LAMA2: variants seen among roughly 807,000 people sequenced by gnomAD.
The protein encoded by LAMA2 is laminin subunit alpha 2.
A neutral mutation model predicts 364.8 loss-of-function variants in LAMA2; 269 were observed. The observed-to-expected ratio is 0.74, with a 90% CI of 0.67 to 0.82. LAMA2 has a LOEUF of 0.82. LAMA2 is among the 40% of genes least tolerant of loss of function. The pLI, the probability that LAMA2 is intolerant of heterozygous loss-of-function variation, is 0.00. For missense variants in LAMA2, 3,807 were observed against 3,873.2 expected, an observed-to-expected ratio of 0.98 and a Z score of 0.45; for synonymous variants, 1,379 against 1,370.6, an observed-to-expected ratio of 1.01 and a Z score of -0.14.
In LAMA2 at chr6:129,392,772, A is replaced by G. The variant is rs140632849; in HGVS notation, c.5235-273A>G. On this transcript the variant is annotated intron_variant, in intron 36 of 64. Coordinates refer to ENST00000421865, the MANE Select transcript of LAMA2 (RefSeq NM_000426.4). ...AATCTTAAAACTCATTTCATCAATC[A>G]GATTCCTAGAATGACATGATTCAAA... Among the ~76,000 whole-genome samples the G allele has an allele frequency of 6.1e-3, 924 of 152,342 alleles. 8 individuals are homozygous for G. The highest frequency in any genetic ancestry group is 0.021 in the African/African-American group (892 of 41,578).
intron 22 of LAMA2, among the ~76,000 whole-genome samples, chr6:129,312,210 A>G (rs1293640122): frequency 1.3e-5 from 2 of 152,192 alleles, no homozygotes; most frequent in Non-Finnish European, 2.9e-5. Flanking sequence ...GAATTATGTA[A>G]ATAAAGAGAA....
intron 41 of LAMA2, among the ~76,000 whole-genome samples, chr6:129,429,156 C>T (rs1408031480): frequency 6.6e-6 from 1 of 152,208 alleles, no homozygotes; most frequent in Non-Finnish European, 1.5e-5. Flanking sequence ...GGAAACCTAA[C>T]ACCTCATCTG....
At chr6:129,059,413 T>A (rs899389513) in intron 2 of LAMA2, among the ~76,000 whole-genome samples, 2 of 152,214 alleles carry the variant, frequency 1.3e-5, no homozygotes, top group Non-Finnish European at 2.9e-5. Flanking sequence ...ACTAGAGCTG[T>A]CTCAATAGTT....
At chr6:129,344,369 T>G (rs1409629293) in intron 30 of LAMA2, among the ~76,000 whole-genome samples, 1 of 151,984 alleles carries the variant, frequency 6.6e-6, no homozygotes, top group Non-Finnish European at 1.5e-5. Context: ...GGGGTGAGGG[T>G]CCGGGCAGAA....
chr6:128,903,644 T>C (rs746830567), intron 1 of LAMA2, among the ~76,000 whole-genome samples: 46 of 152,324 alleles, frequency 3.0e-4, no homozygotes, highest in Non-Finnish European at 5.6e-4. Context: ...TAGCTTTCTC[T>C]TGCAAGCTTC....
At chr6:129,414,996 C>T (rs912986443) in intron 40 of LAMA2, among the ~76,000 whole-genome samples, 1 of 152,172 alleles carries the variant, frequency 6.6e-6, no homozygotes, top group African/African-American at 2.4e-5. Flanking sequence ...TTTTCCCACC[C>T]TTCAGTTTCC....
chr6:128,971,593 G>T (rs1398865007), intron 1 of LAMA2, among the ~76,000 whole-genome samples: 1 of 152,154 alleles, frequency 6.6e-6, no homozygotes, highest in African/African-American at 2.4e-5. Context: ...GTGTCTAGAA[G>T]CAGAGCCAGC....
chr6:129,351,045 A>AC (rs1374235488), intron 31 of LAMA2, among the ~76,000 whole-genome samples: 3 of 152,196 alleles, frequency 2.0e-5, no homozygotes, highest in Admixed American at 1.3e-4. Flanking sequence ...TATAGGTGAT[A>AC]CAAGTACATA....
intron 4 of LAMA2, among the ~76,000 whole-genome samples, chr6:129,134,832 T>G (rs145774843): frequency 6.6e-6 from 1 of 152,304 alleles, no homozygotes; most frequent in African/African-American, 2.4e-5. Flanking sequence ...CCCTCAACTC[T>G]TAGGCATGTT....
At chr6:129,398,867 T>C (rs1779807307) in intron 37 of LAMA2, among the ~76,000 whole-genome samples, 1 of 152,228 alleles carries the variant, frequency 6.6e-6, no homozygotes, top group Admixed American at 6.5e-5. Context: ...GGAATTTGTG[T>C]TACAGTGCAG....
At chr6:129,136,104 C>T (rs561988939) in intron 4 of LAMA2, among the ~76,000 whole-genome samples, 1 of 151,820 alleles carries the variant, frequency 6.6e-6, no homozygotes, top group Non-Finnish European at 1.5e-5. Context: ...ATTTCAGGCA[C>T]TTAGTAATCA....
intron 14 of LAMA2, among the ~76,000 whole-genome samples, chr6:129,255,352 G>GCCGAGATC (rs1447868456): frequency 5.8e-5 from 8 of 136,964 alleles, no homozygotes; most frequent in Admixed American, 3.3e-4. Context: ...GTTGCAGTGA[G>GCCGAGATC]CCGAGATCGC....
intron 12 of LAMA2, among the ~76,000 whole-genome samples, chr6:129,244,916 A>G (rs749511996): frequency 1.3e-5 from 2 of 152,184 alleles, no homozygotes; most frequent in Non-Finnish European, 2.9e-5. Context: ...TTGCATAGTA[A>G]CTATAATATT....
At chr6:129,354,896 G>A (rs1359813722) in intron 32 of LAMA2, among the ~76,000 whole-genome samples, 3 of 152,118 alleles carry the variant, frequency 2.0e-5, no homozygotes, top group African/African-American at 7.2e-5. Flanking sequence ...TATCACATAT[G>A]TGGGTTTCTA....
chr6:129,066,037 G>GTTAT (rs1789277998), intron 3 of LAMA2, among the ~76,000 whole-genome samples: 2 of 14,964 alleles, frequency 1.3e-4, no homozygotes, highest in East Asian at 5.9e-3. Flanking sequence ...CCCAGTCTCA[G>GTTAT]GTTTTTTTTT....
chr6:129,362,961 A>G (rs1027045655), intron 32 of LAMA2, among the ~76,000 whole-genome samples: 2 of 152,204 alleles, frequency 1.3e-5, no homozygotes, highest in South Asian at 2.1e-4. Context: ...GAGCATCCCT[A>G]TAATTTATCA....
intron 51 of LAMA2, among the ~76,000 whole-genome samples, chr6:129,466,280 C>T (rs1018552836): frequency 4.6e-5 from 7 of 151,934 alleles, no homozygotes; most frequent in East Asian, 3.9e-4. Flanking sequence ...ATGTAGCCAG[C>T]GAGCAATCTC....
rs1489550585 is a variant in LAMA2 at position 129,205,491 on chromosome 6, TATACACACAC to T, written c.1782+12640_1782+12649del. ...TTTATTCTGTAAGTATATATATATATATACACACACACACACACACACACACACACACACA... is the reference window on the plus strand; with the variant it reads ...TTTATTCTGTAAGTATATATATATATACACACACACACACACACACACACA... On this transcript the variant is annotated intron_variant, in intron 12 of 64. Transcript: ENST00000421865. 8.9e-5 allele frequency among the ~76,000 whole-genome samples: 11 copies of T among 123,090 alleles called. 1 individual carries two copies. Among genetic ancestry groups the T allele is most frequent in the South Asian group, 5.3e-4 (2 of 3,776 alleles). 80.8% of individuals were successfully genotyped at this position (123,090 alleles called of 152,430 possible).
intron 8 of LAMA2, among the ~76,000 whole-genome samples, chr6:129,161,056 G>C (rs1779414944): frequency 6.6e-6 from 1 of 151,848 alleles, no homozygotes; most frequent in South Asian, 2.1e-4. Context: ...TTGAAGCACT[G>C]TTATGAGGCA....
Sources: gnomAD v4.1 joint callset for allele counts (sites outside exome capture counted in the v4.1 genomes callset) on GRCh38, gnomAD v4.1.1 for gene constraint, MANE v1.5 for transcripts, NCBI Gene and HGNC (gene_info 2026-07-23, HGNC 2026-07-21) for gene names.